The following EPCIP variants were observed in gnomAD, a reference collection of about 807,000 sequenced individuals.
EPCIP encodes the protein exosomal polycystin-1-interacting protein.
the EPCIP span, among the ~76,000 whole-genome samples, chr21:32,809,675 C>G: frequency 1.5e-3 from 227 of 152,176 alleles, no homozygotes; most frequent in Non-Finnish European, 2.7e-3. Flanking sequence ...ATTGTGTTTT[C>G]TTATTCTCCA....
At chr21:32,794,918 C>T in the EPCIP span, among the ~76,000 whole-genome samples, 3 of 152,342 alleles carry the variant, frequency 2.0e-5, no homozygotes, top group East Asian at 1.9e-4. Flanking sequence ...TCCTCCCCCT[C>T]AATATCTGAC....
chr21:32,811,452 G>A, the EPCIP span, among the ~76,000 whole-genome samples: 26 of 152,122 alleles, frequency 1.7e-4, no homozygotes, highest in Non-Finnish European at 3.5e-4. Flanking sequence ...ATCAGGAAAT[G>A]ATACATGGGT....
At chr21:32,804,050 A>G in the EPCIP span, among the ~76,000 whole-genome samples, 1 of 152,164 alleles carries the variant, frequency 6.6e-6, no homozygotes, top group Non-Finnish European at 1.5e-5. Context: ...GATGAAGTAA[A>G]TTCATGTCTC....
the EPCIP span, chr21:32,794,614 A>G: frequency 1.6e-6 from 1 of 623,468 alleles, no homozygotes; most frequent in Non-Finnish European, 2.8e-6. Context: ...TTCCTGAGCC[A>G]CAGGCAATGC....
chr21:32,808,921 C>G, the EPCIP span, among the ~76,000 whole-genome samples: 3 of 152,282 alleles, frequency 2.0e-5, no homozygotes, highest in Non-Finnish European at 4.4e-5. Context: ...AGTTTTGTGA[C>G]AGCAGCAGAG....
chr21:32,794,045 C>T, the EPCIP span: 24 of 1,614,162 alleles, frequency 1.5e-5, no homozygotes, highest in East Asian at 6.7e-5. Flanking sequence ...CATGTTGATG[C>T]GCAGCCTCTT....
At chr21:32,799,528 A>G in the EPCIP span, among the ~76,000 whole-genome samples, 17 of 152,210 alleles carry the variant, frequency 1.1e-4, no homozygotes, top group Non-Finnish European at 2.5e-4. Flanking sequence ...CCCCAGAGCC[A>G]TAACTCAGAT....
the EPCIP span, chr21:32,796,981 TC>T: frequency 2.2e-6 from 1 of 458,348 alleles, no homozygotes. Flanking sequence ...GGAAAAGAGA[TC>T]AGAAGAGAAA....
the EPCIP span, among the ~76,000 whole-genome samples, chr21:32,807,244 G>T: frequency 6.6e-6 from 1 of 151,688 alleles, no homozygotes; most frequent in Non-Finnish European, 1.5e-5. Flanking sequence ...GCACATAGGA[G>T]CACTCCATGA....
the EPCIP span, among the ~76,000 whole-genome samples, chr21:32,800,965 T>C: frequency 0.72 from 109,432 of 152,070 alleles, 40,159 homozygotes; most frequent in East Asian, 0.91. Context: ...TTCTAGTCCC[T>C]GTGAATGCCA....
the EPCIP span, among the ~76,000 whole-genome samples, chr21:32,808,181 A>G: frequency 3.9e-5 from 6 of 152,198 alleles, no homozygotes; most frequent in African/African-American, 1.4e-4. Flanking sequence ...TCAGAGTCCA[A>G]TCTTGCAAAG....
chr21:32,800,302 T>C, the EPCIP span, among the ~76,000 whole-genome samples: 1 of 152,328 alleles, frequency 6.6e-6, no homozygotes, highest in Non-Finnish European at 1.5e-5. Flanking sequence ...AAGGAATCTG[T>C]GTGGAATTTG....
chr21:32,810,246 CTTTTTTTTTTTT>C, the EPCIP span, among the ~76,000 whole-genome samples: 1 of 65,636 alleles, frequency 1.5e-5, no homozygotes, highest in African/African-American at 6.7e-5. Context: ...GGCATTTGAT[CTTTTTTTTTTTT>C]TTTTTTTTTT....
At chr21:32,794,113 C>G in the EPCIP span, 1 of 1,614,102 alleles carries the variant, frequency 6.2e-7, no homozygotes, top group Non-Finnish European at 8.5e-7. Context: ...ACAGGGAAAG[C>G]TTCAGGTCTT....
At chr21:32,791,207 T>C in the EPCIP span, 2 of 152,252 alleles carry the variant, frequency 1.3e-5, no homozygotes, top group African/African-American at 4.8e-5. Flanking sequence ...TCCAGAAATC[T>C]GAAACCTCAG....
the EPCIP span, among the ~76,000 whole-genome samples, chr21:32,803,113 C>G: frequency 6.6e-6 from 1 of 152,182 alleles, no homozygotes; most frequent in African/African-American, 2.4e-5. Context: ...TGGAGTAGCT[C>G]TCCGATCCCC....
the EPCIP span, among the ~76,000 whole-genome samples, chr21:32,793,279 C>G: frequency 1.3e-5 from 2 of 152,084 alleles, no homozygotes; most frequent in Non-Finnish European, 2.9e-5. Context: ...TCATAGTCCC[C>G]AAACCTCTGA....
chr21:32,801,707 G>A, the EPCIP span, among the ~76,000 whole-genome samples: 1 of 152,190 alleles, frequency 6.6e-6, no homozygotes, highest in Non-Finnish European at 1.5e-5. Context: ...GCTGGGCGTG[G>A]TGGTGGGCAC....
chr21:32,795,580 G>A, the EPCIP span, among the ~76,000 whole-genome samples: 29 of 152,358 alleles, frequency 1.9e-4, no homozygotes, highest in African/African-American at 7.0e-4. Flanking sequence ...CGACCTCTGA[G>A]TGGGAGGGCC....
Sources: allele counts gnomAD v4.1 joint callset (sites outside exome capture counted in the v4.1 genomes callset), GRCh38; gene constraint gnomAD v4.1.1; transcripts MANE v1.5; gene names NCBI Gene and HGNC (gene_info 2026-07-23, HGNC 2026-07-21).